Variants in EP300 observed in about 807,000 individuals in gnomAD.
EP300 encodes histone acetyltransferase p300.
EP300 carries 31 observed loss-of-function variants against 264.0 expected under a neutral mutation model. That is an observed-to-expected ratio of 0.12 (90% confidence interval 0.09 to 0.16). The LOEUF is 0.16. Ranked by LOEUF, EP300 falls within the 10% of genes least tolerant of loss-of-function variation. The pLI is 1.00. For missense variants in EP300, 2,766 were observed against 3,052.9 expected, an observed-to-expected ratio of 0.91 and a Z score of 2.21; for synonymous variants, 1,340 against 1,045.4, an observed-to-expected ratio of 1.28 and a Z score of -5.44.
Position 41,166,636 on chromosome 22 carries a change from A to G in EP300, c.3844A>G (p.Thr1282Ala), listed in dbSNP as rs182500857. Reference sequence around the variant, plus strand: ...TGGCTGTTTAAAGAAAAGTGCACGAACTAGGAAAGAAAATAAGTTTTCTGC... The same window carrying G: ...TGGCTGTTTAAAGAAAAGTGCACGAGCTAGGAAAGAAAATAAGTTTTCTGC... ...CDGCLKKSAR[T>A]RKENKFSAKR... The change falls in exon 23 of 31, where the codon ACT becomes GCT. Residue 1282 changes from threonine to alanine, a missense_variant. Physicochemically the swap from Thr to Ala is moderately conservative, Grantham distance 58 (BLOSUM62 0). Transcript: ENST00000263253. 1.2e-6 allele frequency: 2 copies of G among 1,612,484 alleles called. No individual in the cohort carries two copies. Among genetic ancestry groups the G allele is most frequent in the East Asian group, 4.5e-5 (2 of 44,744 alleles).
chr22:41,122,446 G>A (rs898210608), intron 2 of EP300, among the ~76,000 whole-genome samples: 23 of 151,984 alleles, frequency 1.5e-4, no homozygotes, highest in African/African-American at 4.8e-4. Flanking sequence ...GATTACAGGC[G>A]TGAGCCACCG....
chr22:41,178,891 G>T lies in EP300; in HGVS notation c.7180G>T (p.Gly2394Ter), dbSNP rs2145524582. 6.2e-7 allele frequency: 1 copy of T among 1,614,120 alleles called. No individual in the cohort carries two copies. Among genetic ancestry groups the T allele is most frequent in the Non-Finnish European group, 8.5e-7 (1 of 1,180,024 alleles). ...NLHGASATDL[G>*]LSTDNSDLNS... ...CCATGGTGCAAGCGCCACGGACCTG[G>T]GACTCAGCACCGATAACTCAGACTT... The change falls in exon 31 of 31, where the codon GGA becomes TGA. Residue 2394 changes from glycine (G) to a stop codon, truncating the protein, a stop_gained. Coordinates refer to ENST00000263253, the MANE Select transcript of EP300 (RefSeq NM_001429.4). LOFTEE classifies it high-confidence loss of function.
rs139208187 is a variant in EP300 at position 41,178,823 on chromosome 22, C to T, written c.7112C>T (p.Ser2371Leu). The T allele has an allele frequency of 1.2e-6, 2 of 1,614,076 alleles. No individual in the cohort carries two copies. The highest frequency in any genetic ancestry group is 2.7e-5 in the African/African-American group (2 of 74,924). Reference protein sequence around the residue: ...QGHFASPDQNSMLSQLASNPG... With the variant: ...QGHFASPDQNLMLSQLASNPG... Reference sequence around the variant, plus strand: ...CATTTTGCCAGCCCGGACCAGAATTCAATGCTTTCTCAGCTTGCTAGCAAT... The same window carrying T: ...CATTTTGCCAGCCCGGACCAGAATTTAATGCTTTCTCAGCTTGCTAGCAAT... The change falls in exon 31 of 31, where the codon TCA becomes TTA. Residue 2371 changes from serine to leucine, a missense_variant. Ser to Leu is a moderately radical substitution (Grantham distance 145). Coordinates refer to ENST00000263253, the MANE Select transcript of EP300 (RefSeq NM_001429.4).
In EP300 at chr22:41,129,957, T is replaced by G; in HGVS notation, c.1236T>G (p.Pro412=). Reference sequence around the variant, plus strand: ...AGAATTGTACAAGACATGATTGTCCTGTGTGTCTCCCCCTCAAAAATGCTG... The same window carrying G: ...AGAATTGTACAAGACATGATTGTCCGGTGTGTCTCCCCCTCAAAAATGCTG... ...HWKNCTRHDC[P]VCLPLKNAGD... Residue 412 remains proline (P), a synonymous_variant, in exon 5 of 31, where the codon CCT becomes CCG. Transcript: ENST00000263253. 1 of 1,614,038 alleles carries G rather than the reference T, an allele frequency of 6.2e-7. No individual in the cohort carries two copies. The highest frequency in any genetic ancestry group is 8.5e-7 in the Non-Finnish European group (1 of 1,179,974).
chr22:41,178,444 C>T lies in EP300; in HGVS notation c.6733C>T (p.Leu2245Phe). 2 of 1,614,108 alleles carry T rather than the reference C, an allele frequency of 1.2e-6. No homozygotes were observed. The highest frequency in any genetic ancestry group is 1.7e-6 in the Non-Finnish European group (2 of 1,180,024). The change falls in exon 31 of 31, where the codon CTT (leucine) becomes TTT (phenylalanine). Residue 2245 changes from leucine to phenylalanine, a missense_variant. Transcript: ENST00000263253. ...QQGNMGQIGQ[L>F]PQALGAEAGA... ...AGGAAATATGGGACAGATAGGCCAG[C>T]TTCCCCAGGCCTTGGGAGCAGAGGC...
chr22:41,133,298 G>A (rs2058931446), intron 6 of EP300, among the ~76,000 whole-genome samples: 1 of 151,856 alleles, frequency 6.6e-6, no homozygotes, highest in Non-Finnish European at 1.5e-5. Flanking sequence ...GCTGGGATTA[G>A]AGGCACCTGC....
rs1254801123 is a variant in EP300 at position 41,167,836 on chromosome 22, T to G, written c.3875-613T>G. On this transcript the variant is annotated intron_variant, in intron 23 of 30. Transcript: ENST00000263253. ...TTTGTTTTTTTTTTTGTTTTTTTTT[T>G]TTTTTTTTTTTTTTTGAGACAGAGT... Among the ~76,000 whole-genome samples, 6 of 89,562 alleles carry G rather than the reference T, an allele frequency of 6.7e-5. 1 individual carries two copies. The highest frequency in any genetic ancestry group is 4.1e-4 in the South Asian group (1 of 2,418). The allele number at this position is 89,562 out of a possible 152,430, so 58.8% of individuals were successfully genotyped here.
Position 41,160,637 on chromosome 22 carries a change from G to C in EP300, c.3591-5G>C, listed in dbSNP as rs778469565. ...TTCACCCCAGTATGGCCTTCTTGCC[G>C]ACAGGTATCATTTCTGTGAGAAGTG... On this transcript the variant is annotated splice_polypyrimidine_tract_variant and splice_region_variant and intron_variant, in intron 19 of 30. Transcript: ENST00000263253. 1 of 1,613,806 alleles carries C rather than the reference G, an allele frequency of 6.2e-7. No individual in the cohort carries two copies. The highest frequency in any genetic ancestry group is 1.1e-5 in the South Asian group (1 of 91,060).
At chr22:41,145,962 C>T (rs528492892) in intron 10 of EP300, among the ~76,000 whole-genome samples, 11 of 151,914 alleles carry the variant, frequency 7.2e-5, no homozygotes, top group Admixed American at 2.6e-4. Flanking sequence ...TTAAGAGGTA[C>T]ATGATATGTA....
At chr22:41,126,304 C>A (rs1051102597) in intron 3 of EP300, 1 of 418,852 alleles carries the variant, frequency 2.4e-6, no homozygotes, top group African/African-American at 2.0e-5. Context: ...AGGGGCCTGC[C>A]ATTCAGCAAC....
intron 1 of EP300, among the ~76,000 whole-genome samples, chr22:41,104,590 T>C (rs985969102): frequency 6.6e-6 from 1 of 152,008 alleles, no homozygotes; most frequent in African/African-American, 2.4e-5. Context: ...ATGTCCGGCC[T>C]CATGTAGTTA....
intron 7 of EP300, among the ~76,000 whole-genome samples, chr22:41,136,825 C>T (rs1342206990): frequency 6.6e-6 from 1 of 151,912 alleles, no homozygotes; most frequent in Non-Finnish European, 1.5e-5. Flanking sequence ...TTTGGGAGGC[C>T]GAGGCAGGCA....
At chr22:41,173,346 A>G (rs1179481325) in intron 28 of EP300, among the ~76,000 whole-genome samples, 4 of 152,136 alleles carry the variant, frequency 2.6e-5, no homozygotes, top group East Asian at 1.9e-4. Flanking sequence ...CCTAGCCCCA[A>G]TCTGGGATAC....
At chr22:41,105,609 G>T (rs1319982194) in intron 1 of EP300, among the ~76,000 whole-genome samples, 1 of 152,024 alleles carries the variant, frequency 6.6e-6, no homozygotes, top group Admixed American at 6.6e-5. Flanking sequence ...ATGTTGGCCA[G>T]GCTGGTCTTG....
intron 1 of EP300, among the ~76,000 whole-genome samples, chr22:41,098,368 A>T (rs899598353): frequency 6.6e-6 from 1 of 152,134 alleles, no homozygotes; most frequent in Non-Finnish European, 1.5e-5. Context: ...TCCCAAAGCA[A>T]TTAGAAGTGA....
At chr22:41,099,230 A>T (rs2058718221) in intron 1 of EP300, among the ~76,000 whole-genome samples, 1 of 151,910 alleles carries the variant, frequency 6.6e-6, no homozygotes, top group African/African-American at 2.4e-5. Context: ...TGCCCGGCTA[A>T]TTTTTGTATT....
chr22:41,116,193 A>G (rs373047496), intron 1 of EP300, among the ~76,000 whole-genome samples: 1 of 151,968 alleles, frequency 6.6e-6, no homozygotes. Flanking sequence ...TATTATGCTA[A>G]TTCTATAACA....
intron 6 of EP300, among the ~76,000 whole-genome samples, chr22:41,134,993 C>T (rs2058942318): frequency 6.6e-6 from 1 of 152,060 alleles, no homozygotes; most frequent in Non-Finnish European, 1.5e-5. Flanking sequence ...CTGCAACCTC[C>T]GCCTCCTGGG....
chr22:41,133,161 C>A (rs987919634), intron 6 of EP300, among the ~76,000 whole-genome samples: 1 of 130,152 alleles, frequency 7.7e-6, no homozygotes, highest in Non-Finnish European at 1.6e-5. Context: ...ATCCCCCCCC[C>A]CACCCCCACC....
Sources: gnomAD v4.1 joint callset for allele counts (sites outside exome capture counted in the v4.1 genomes callset) on GRCh38, gnomAD v4.1.1 for gene constraint, MANE v1.5 for transcripts, NCBI Gene and HGNC (gene_info 2026-07-23, HGNC 2026-07-21) for gene names.